Variants in SH3TC1 observed in about 807,000 individuals in gnomAD.
SH3TC1 encodes the protein SH3 domain and tetratricopeptide repeat-containing protein 1.
SH3TC1 carries 135 observed loss-of-function variants against 117.3 expected under a neutral mutation model. The ratio of observed to expected loss-of-function variants is 1.15; its 90% confidence interval spans 1.00 to 1.33. The LOEUF (loss-of-function observed/expected upper bound fraction) is 1.33, where lower values mean the gene tolerates loss of function less well. Among genes scored for constraint, SH3TC1 ranks in the 40% most tolerant of loss-of-function variants. The pLI is 0.00. For synonymous variants in SH3TC1, 898 were observed against 816.9 expected, an observed-to-expected ratio of 1.10 and a Z score of -1.69; for missense variants, 2,092 against 1,794.3, an observed-to-expected ratio of 1.17 and a Z score of -3.00.
upstream of SH3TC1, among the ~76,000 whole-genome samples, chr4:8,195,774 C>T (rs1717541388): frequency 6.6e-6 from 1 of 152,122 alleles, no homozygotes; most frequent in African/African-American, 2.4e-5. Flanking sequence ...TGTGAGCAGG[C>T]TGGAGAACTG....
chr4:8,238,319 T>A (rs1392899594), intron 17 of SH3TC1, among the ~76,000 whole-genome samples: 1 of 152,146 alleles, frequency 6.6e-6, no homozygotes, highest in Admixed American at 6.5e-5. Context: ...CGGGTCTGTC[T>A]GGAGAGGAGG....
At chr4:8,238,442 C>T (rs1327987591) in intron 17 of SH3TC1, among the ~76,000 whole-genome samples, 1 of 152,202 alleles carries the variant, frequency 6.6e-6, no homozygotes, top group African/African-American at 2.4e-5. Context: ...CCCGCCCCTA[C>T]TCAGCATCAC....
At chr4:8,230,676 T>C (rs549863597) in intron 12 of SH3TC1, among the ~76,000 whole-genome samples, 1 of 152,120 alleles carries the variant, frequency 6.6e-6, no homozygotes, top group Non-Finnish European at 1.5e-5. Flanking sequence ...GAAGGTTGGG[T>C]TTTTGATTTG....
At chr4:8,184,671 G>C (rs1480094625) in intron 1 of SH3TC1, among the ~76,000 whole-genome samples, 1 of 152,150 alleles carries the variant, frequency 6.6e-6, no homozygotes, top group Non-Finnish European at 1.5e-5. Flanking sequence ...GAGCCACTGT[G>C]GCCGGCTGGA....
rs1718082102 is a variant in SH3TC1, at chr4:8,205,041, C to T, written c.-28-126C>T. On this transcript the variant is annotated intron_variant, in intron 1 of 17. Transcript: ENST00000245105. This position sits in a 1 kb window ranked among gnomAD's most constrained non-coding sequence, Gnocchi z 5.4. Reference sequence around the variant, plus strand: ...GGTGCACGGTGCGGTGAGGGGCTCGCTGGATCTGAAAGGTGCAGGCGCTCA... The same window carrying T: ...GGTGCACGGTGCGGTGAGGGGCTCGTTGGATCTGAAAGGTGCAGGCGCTCA... 2 of 704,700 alleles carry T rather than the reference C, an allele frequency of 2.8e-6. No individual in the cohort carries two copies. Among genetic ancestry groups the T allele is most frequent in the Non-Finnish European group, 2.2e-6 (1 of 455,834 alleles). 43.7% of individuals were successfully genotyped at this position (704,700 alleles called of 1,614,324 possible).
Position 8,209,503 on chromosome 4 carries a change from T to C in SH3TC1, c.173-245T>C, listed in dbSNP as rs1718466515. Reference sequence around the variant, plus strand: ...TTGGAACTTGAGAGCGGCGGGATCATACGAGTCGTGTGGTCTTAAGCCTCT... The same window carrying C: ...TTGGAACTTGAGAGCGGCGGGATCACACGAGTCGTGTGGTCTTAAGCCTCT... On this transcript the variant is annotated intron_variant, in intron 2 of 17. Coordinates refer to ENST00000245105, the MANE Select transcript of SH3TC1 (RefSeq NM_018986.5). The surrounding 1 kb of genome is among the most constrained non-coding windows in gnomAD (Gnocchi z 5.9). 5.3e-6 allele frequency: 4 copies of C among 749,964 alleles called. No homozygotes were observed. Among genetic ancestry groups the C allele is most frequent in the South Asian group, 3.5e-5 (2 of 57,116 alleles). 46.5% of individuals were successfully genotyped at this position (749,964 alleles called of 1,614,324 possible).
At chr4:8,240,638 G>C in intron 17 of SH3TC1, 60 bp from the exon 18 acceptor site, 1 of 1,600,516 alleles carries the variant, frequency 6.2e-7, no homozygotes, top group Non-Finnish European at 8.5e-7. Flanking sequence ...GCACAGGAAC[G>C]GCCTCTGGGG....
At chr4:8,193,285 T>C (rs375405767) in intron 1 of SH3TC1, among the ~76,000 whole-genome samples, 58 of 152,306 alleles carry the variant, frequency 3.8e-4, no homozygotes, top group African/African-American at 1.4e-3. Flanking sequence ...CTCTAGCCCC[T>C]GGCCTCCGCA....
chr4:8,239,802 G>C (rs1722172802), intron 17 of SH3TC1, among the ~76,000 whole-genome samples: 1 of 152,222 alleles, frequency 6.6e-6, no homozygotes, highest in African/African-American at 2.4e-5. Context: ...TGTGATCAGT[G>C]TTCACTCCCA....
chr4:8,237,240 A>T, intron 16 of SH3TC1: 1 of 427,710 alleles, frequency 2.3e-6, no homozygotes, highest in South Asian at 7.0e-5. Flanking sequence ...GGCTATATGT[A>T]GGCACAGAGC....
In SH3TC1 at chr4:8,214,469, C is replaced by T; in HGVS notation, c.376-6C>T. The T allele has an allele frequency of 1.2e-6, 2 of 1,613,094 alleles. No homozygotes were observed. The highest frequency in any genetic ancestry group is 1.1e-5 in the South Asian group (1 of 91,052). ...ACCTCTCGAATTCCTATTTCTTTCTCTTAAGGAATTATCAGCCAGGCTGCT... is the reference window on the plus strand; with the variant it reads ...ACCTCTCGAATTCCTATTTCTTTCTTTTAAGGAATTATCAGCCAGGCTGCT... On this transcript the variant is annotated splice_polypyrimidine_tract_variant and splice_region_variant and intron_variant, in intron 4 of 17. Transcript: ENST00000245105.
intron 1 of SH3TC1, among the ~76,000 whole-genome samples, chr4:8,200,424 A>G (rs565258249): frequency 2.0e-5 from 3 of 152,220 alleles, no homozygotes; most frequent in Non-Finnish European, 4.4e-5. Flanking sequence ...TGAAAGGGGC[A>G]CAGCTGTGCC....
chr4:8,198,077 T>C (rs1460961488), upstream of SH3TC1, among the ~76,000 whole-genome samples: 2 of 152,010 alleles, frequency 1.3e-5, no homozygotes, highest in African/African-American at 4.8e-5. Context: ...AGGGACCAGC[T>C]AAAACCCTCC....
chr4:8,216,142 C>G lies in SH3TC1; in HGVS notation c.513C>G (p.Leu171=), dbSNP rs776082223. The G allele has an allele frequency of 4.3e-6, 7 of 1,613,534 alleles. No individual in the cohort carries two copies. Among genetic ancestry groups the G allele is most frequent in the Admixed American group, 3.3e-5 (2 of 59,996 alleles). ...GFTHHCLANL[L]MDQAFWLLLP... is the part of the protein sequence containing the mutation. ...CTCATCACTGCCTGGCAAACCTGCT[C>G]ATGGACCAGGCCTTCTGGCTGCTCT... Residue 171 remains leucine (L), a synonymous_variant, in exon 6 of 18, where the codon CTC becomes CTG. Transcript: ENST00000245105.
At chr4:8,238,264 G>A (rs1721999285) in intron 17 of SH3TC1, among the ~76,000 whole-genome samples, 1 of 152,158 alleles carries the variant, frequency 6.6e-6, no homozygotes. Context: ...CAGGGCAGGT[G>A]CAGTGGGGCG....
chr4:8,231,644 G>T (rs1721225001), intron 12 of SH3TC1: 3 of 324,698 alleles, frequency 9.2e-6, no homozygotes, highest in Non-Finnish European at 1.7e-5. Context: ...ATCTGCGACA[G>T]GGGCTACTTG....
chr4:8,216,725 G>A (rs1182368262), intron 6 of SH3TC1, among the ~76,000 whole-genome samples: 4 of 152,258 alleles, frequency 2.6e-5, no homozygotes, highest in East Asian at 1.9e-4. Flanking sequence ...TGAGGCCCAG[G>A]GCGAGGGTCT....
At chr4:8,211,902 C>T (rs1232485863) in intron 3 of SH3TC1, among the ~76,000 whole-genome samples, 1 of 152,116 alleles carries the variant, frequency 6.6e-6, no homozygotes, top group Admixed American at 6.5e-5. Flanking sequence ...AGAGTAGGGC[C>T]GATGGGTCGG....
intron 12 of SH3TC1, chr4:8,231,750 G>T (rs1403042162): frequency 8.7e-6 from 5 of 575,260 alleles, no homozygotes; most frequent in Non-Finnish European, 1.5e-5. Flanking sequence ...CAGGGGCCAA[G>T]CTCGGCTAGG....
Sources: gnomAD v4.1 joint callset for allele counts (sites outside exome capture counted in the v4.1 genomes callset) on GRCh38, gnomAD v4.1.1 for gene constraint, Gnocchi (gnomAD v3.1) non-coding constraint, MANE v1.5 for transcripts, NCBI Gene and HGNC (gene_info 2026-07-23, HGNC 2026-07-21) for gene names.